Variants in TANGO6 observed in about 807,000 individuals in gnomAD.
TANGO6 encodes transport and golgi organization 6 homolog, also known as transport and Golgi organization protein 6 homolog.
TANGO6 carries 90 observed loss-of-function variants against 114.2 expected under a neutral mutation model. That is an observed-to-expected ratio of 0.79 (90% CI 0.66 to 0.94). The LOEUF (loss-of-function observed/expected upper bound fraction) is 0.94. Among genes scored for constraint, TANGO6 ranks in the 40% least tolerant of loss-of-function variants. The pLI is 0.00. For synonymous variants in TANGO6, 477 were observed against 509.8 expected, an observed-to-expected ratio of 0.94 and a Z score of 0.87; for missense variants, 1,274 against 1,315.3, an observed-to-expected ratio of 0.97 and a Z score of 0.49.
intron 17 of TANGO6, among the ~76,000 whole-genome samples, chr16:69,067,753 C>T (rs1960239344): frequency 6.6e-6 from 1 of 151,872 alleles, no homozygotes; most frequent in African/African-American, 2.4e-5. Context: ...GCCTGACCAA[C>T]ATGGAGAAAC....
chr16:69,000,535 CTT>C (rs1366897368), intron 15 of TANGO6, among the ~76,000 whole-genome samples: 1 of 152,074 alleles, frequency 6.6e-6, no homozygotes, highest in Non-Finnish European at 1.5e-5. Flanking sequence ...AACTGAATCT[CTT>C]TTCTCTCCTC....
intron 15 of TANGO6, among the ~76,000 whole-genome samples, chr16:69,017,327 G>A (rs772589900): frequency 6.6e-6 from 1 of 152,150 alleles, no homozygotes; most frequent in Non-Finnish European, 1.5e-5. Flanking sequence ...CAGCACAGTG[G>A]CAGACACATA....
At chr16:68,882,685 T>C (rs1035778385) in intron 7 of TANGO6, among the ~76,000 whole-genome samples, 2 of 151,916 alleles carry the variant, frequency 1.3e-5, no homozygotes, top group Non-Finnish European at 2.9e-5. Context: ...AATAAATGAT[T>C]TTATGGTTTT....
rs1303192285 is a variant in TANGO6, at chr16:68,927,921, A to G, written c.2481A>G (p.Thr827=). 6.2e-7 allele frequency: 1 copy of G among 1,613,884 alleles called. No individual in the cohort carries two copies. Among genetic ancestry groups the G allele is most frequent in the South Asian group, 1.1e-5 (1 of 91,054 alleles). ...GAGTCAATGAGCCCAGCACTACTAC[A>G]AGTCAGAAATCTGGAAGCGTAACCA... ...PQGVNEPSTT[T]SQKSGSVTTE... is the part of the protein sequence containing the mutation. The change falls in exon 13 of 18, where the codon ACA becomes ACG. Residue 827 remains threonine, a synonymous_variant. Transcript: ENST00000261778.
chr16:68,962,793 A>G (rs1273429973), intron 14 of TANGO6, among the ~76,000 whole-genome samples: 1 of 151,816 alleles, frequency 6.6e-6, no homozygotes, highest in African/African-American at 2.4e-5. Context: ...TAAAGAGTCA[A>G]AAAAGCGGCC....
intron 4 of TANGO6, among the ~76,000 whole-genome samples, chr16:68,870,009 A>G (rs1962243844): frequency 1.3e-5 from 2 of 152,136 alleles, no homozygotes; most frequent in Admixed American, 1.3e-4. Context: ...TCTGAGGGAG[A>G]TGCGAAACGA....
intron 16 of TANGO6, among the ~76,000 whole-genome samples, chr16:69,023,478 T>C (rs998402634): frequency 2.0e-5 from 3 of 152,098 alleles, no homozygotes. Flanking sequence ...AACAAAAAAT[T>C]ATGTTAGTAA....
intron 5 of TANGO6, among the ~76,000 whole-genome samples, 197 bp from the exon 6 acceptor site, chr16:68,877,921 A>T (rs1402266497): frequency 1.3e-5 from 2 of 152,300 alleles, no homozygotes; most frequent in African/African-American, 4.8e-5. Flanking sequence ...AAATTTTTTT[A>T]ATTAAAAATA....
chr16:68,861,584 G>A (rs1026099439), intron 2 of TANGO6, among the ~76,000 whole-genome samples: 1 of 152,260 alleles, frequency 6.6e-6, no homozygotes, highest in Admixed American at 6.5e-5. Context: ...AGGTTGACAG[G>A]TCTTATTACT....
intron 14 of TANGO6, among the ~76,000 whole-genome samples, chr16:68,955,715 A>G (rs533289341): frequency 1.3e-5 from 2 of 152,356 alleles, no homozygotes; most frequent in African/African-American, 2.4e-5. Flanking sequence ...TACTATTAGT[A>G]ATACAAAGAA....
intron 1 of TANGO6, among the ~76,000 whole-genome samples, chr16:68,852,819 G>A (rs1453117599): frequency 2.6e-5 from 4 of 151,958 alleles, no homozygotes; most frequent in African/African-American, 9.7e-5. Flanking sequence ...GTGACAGAGC[G>A]AGACCCCCGT....
chr16:68,973,382 A>C (rs1407830980), intron 14 of TANGO6, among the ~76,000 whole-genome samples: 1 of 152,160 alleles, frequency 6.6e-6, no homozygotes, highest in African/African-American at 2.4e-5. Context: ...GAATGGTAGA[A>C]TTTGTAGTTA....
intron 13 of TANGO6, 71 bp from the exon 14 acceptor site, chr16:68,930,167 C>A: frequency 7.5e-7 from 1 of 1,336,758 alleles, no homozygotes; most frequent in Non-Finnish European, 1.0e-6. Context: ...CTTTGAGCTG[C>A]TGATAAGGGA....
intron 7 of TANGO6, among the ~76,000 whole-genome samples, chr16:68,894,517 C>T (rs183659470): frequency 6.6e-6 from 1 of 152,026 alleles, no homozygotes; most frequent in Admixed American, 6.6e-5. Flanking sequence ...TGGTGCCACA[C>T]GGACACTTCA....
intron 7 of TANGO6, among the ~76,000 whole-genome samples, chr16:68,895,827 A>T (rs1567534207): frequency 6.6e-6 from 1 of 152,204 alleles, no homozygotes; most frequent in Non-Finnish European, 1.5e-5. Flanking sequence ...ATTTTTAAAA[A>T]TTATGTATTT....
chr16:68,848,864 C>T (rs1596986406), intron 1 of TANGO6, among the ~76,000 whole-genome samples: 1 of 151,876 alleles, frequency 6.6e-6, no homozygotes, highest in Non-Finnish European at 1.5e-5. Context: ...GAACCATTTC[C>T]GACTGGCTCT....
intron 14 of TANGO6, among the ~76,000 whole-genome samples, chr16:68,966,704 A>G (rs545728611): frequency 9.2e-5 from 14 of 151,738 alleles, no homozygotes; most frequent in Non-Finnish European, 2.1e-4. Flanking sequence ...ACTGGGCTCA[A>G]GTGACCAACT....
intron 1 of TANGO6, among the ~76,000 whole-genome samples, chr16:68,844,777 C>T (rs1413091120): frequency 6.6e-6 from 1 of 151,988 alleles, no homozygotes. Context: ...TCAATTTTTA[C>T]GGATGAAGGA....
intron 4 of TANGO6, among the ~76,000 whole-genome samples, chr16:68,873,502 C>T (rs941578399): frequency 8.7e-5 from 13 of 149,180 alleles, no homozygotes; most frequent in East Asian, 2.0e-4. Flanking sequence ...TTAGTAGAGA[C>T]GGGGTTTCAC....
Sources: gnomAD v4.1 joint callset for allele counts (sites outside exome capture counted in the v4.1 genomes callset) on GRCh38, gnomAD v4.1.1 for gene constraint, MANE v1.5 for transcripts, NCBI Gene and HGNC (gene_info 2026-07-23, HGNC 2026-07-21) for gene names.